The following KLHL14 variants were observed in gnomAD, a reference collection of about 807,000 sequenced individuals.
KLHL14 encodes the protein kelch like family member 14, also known as kelch-like protein 14.
KLHL14 carries 22 observed loss-of-function variants against 64.3 expected under a neutral mutation model. That is an observed-to-expected ratio of 0.34 (90% CI 0.24 to 0.49). KLHL14 has a LOEUF of 0.49. KLHL14 is among the 20% of genes least tolerant of loss of function. KLHL14 has a pLI of 0.99. For synonymous variants in KLHL14, 322 were observed against 333.4 expected, an observed-to-expected ratio of 0.97 and a Z score of 0.37; for missense variants, 661 against 789.0, an observed-to-expected ratio of 0.84 and a Z score of 1.94.
rs192357576 is a variant in KLHL14, at chr18:32,741,583, C to T, written c.1069+345G>A. On this transcript the variant is annotated intron_variant, in intron 3 of 8. Transcript: ENST00000359358. ...TGATGTGAGAAAATTTACTAGCGAACGCCATAAACCAACCTTTTGCTTTTC... is the reference window on the plus strand; with the variant it reads ...TGATGTGAGAAAATTTACTAGCGAATGCCATAAACCAACCTTTTGCTTTTC... Among the ~76,000 whole-genome samples the T allele has an allele frequency of 3.8e-3, 572 of 152,270 alleles. 4 individuals are homozygous for T. Among genetic ancestry groups the T allele is most frequent in the Admixed American group, 9.8e-3 (150 of 15,292 alleles).
chr18:32,738,785 C>G (rs1277992731), intron 3 of KLHL14: 1 of 152,076 alleles, frequency 6.6e-6, no homozygotes, highest in Non-Finnish European at 1.5e-5. Flanking sequence ...TATATAGACC[C>G]ACTTTTTCAC....
At position 32,692,823 on chromosome 18, in the gene KLHL14, G is replaced by C. The variant is rs536988708; in HGVS notation, c.1159+2640C>G. Among the ~76,000 whole-genome samples the C allele has an allele frequency of 2.4e-4, 36 of 152,298 alleles. 1 individual carries two copies. The South Asian group carries it at 7.5e-3, about 32-fold the overall frequency. Reference sequence around the variant, plus strand: ...AAGTCATTTAACCTCTTCAGGCTTAGTCTTCTCATAGTAAAACTAGAGCTA... The same window carrying C: ...AAGTCATTTAACCTCTTCAGGCTTACTCTTCTCATAGTAAAACTAGAGCTA... On this transcript the variant is annotated intron_variant, in intron 4 of 8. Transcript: ENST00000359358.
chr18:32,715,225 A>G (rs1376370057), intron 3 of KLHL14, among the ~76,000 whole-genome samples: 1 of 152,178 alleles, frequency 6.6e-6, no homozygotes, highest in Non-Finnish European at 1.5e-5. Context: ...AATGAGCTAG[A>G]ATTTAGCTCT....
chr18:32,759,123 G>T (rs775762864), intron 2 of KLHL14, among the ~76,000 whole-genome samples: 1 of 152,156 alleles, frequency 6.6e-6, no homozygotes, highest in Non-Finnish European at 1.5e-5. Flanking sequence ...TCTCAATAAA[G>T]CTGCTCAATG....
At chr18:32,734,141 A>G in intron 3 of KLHL14, 1 of 702,774 alleles carries the variant, frequency 1.4e-6, no homozygotes, top group Non-Finnish European at 2.6e-6. Context: ...TAGTATAATT[A>G]TGATAGTCAC....
chr18:32,748,889 T>C (rs991716142), intron 2 of KLHL14, among the ~76,000 whole-genome samples: 2 of 152,168 alleles, frequency 1.3e-5, no homozygotes, highest in African/African-American at 4.8e-5. Flanking sequence ...ATATAATATA[T>C]GTAAAGCATT....
chr18:32,723,255 G>T (rs1232476389), intron 3 of KLHL14, among the ~76,000 whole-genome samples: 1 of 152,134 alleles, frequency 6.6e-6, no homozygotes, highest in African/African-American at 2.4e-5. Flanking sequence ...AGTTGATTTT[G>T]ATCTCTAATA....
At chr18:32,720,649 T>C (rs565096760) in intron 3 of KLHL14, among the ~76,000 whole-genome samples, 84 of 152,052 alleles carry the variant, frequency 5.5e-4, no homozygotes, top group Middle Eastern at 3.4e-3. Context: ...TGGGATGACA[T>C]GCGGCCAAAC....
intron 2 of KLHL14, among the ~76,000 whole-genome samples, chr18:32,765,308 C>A (rs1380196001): frequency 2.0e-5 from 3 of 152,098 alleles, no homozygotes; most frequent in Non-Finnish European, 4.4e-5. Context: ...AATGAGTGAA[C>A]CTCATGTTCA....
At position 32,680,064 on chromosome 18, in the gene KLHL14, T is replaced by A. The variant is rs1158523322; in HGVS notation, c.1588+105A>T. On this transcript the variant is annotated intron_variant, in intron 7 of 8. Coordinates refer to ENST00000359358, the MANE Select transcript of KLHL14 (RefSeq NM_020805.3). The surrounding 1 kb of genome is among the most constrained non-coding windows in gnomAD (Gnocchi z 4.8). ...GAGTAGATTTTATTAGGTCAACATG[T>A]TTTTTACTTGGTTAACTATGATTAT... 9.4e-6 allele frequency: 11 copies of A among 1,172,932 alleles called. No homozygotes were observed. Among genetic ancestry groups the A allele is most frequent in the Non-Finnish European group, 1.3e-5 (11 of 843,946 alleles). 72.7% of individuals were successfully genotyped at this position (1,172,932 alleles called of 1,614,324 possible). A position where few individuals can be genotyped will look rare whatever the true frequency, so the allele number is the denominator to read the frequency against.
chr18:32,712,856 A>G (rs995828597), intron 3 of KLHL14, among the ~76,000 whole-genome samples: 1 of 152,108 alleles, frequency 6.6e-6, no homozygotes, highest in Non-Finnish European at 1.5e-5. Flanking sequence ...CATATCATGT[A>G]CCTGAAACAT....
chr18:32,738,165 C>T (rs2050176000), intron 3 of KLHL14: 1 of 152,006 alleles, frequency 6.6e-6, no homozygotes, highest in Non-Finnish European at 1.5e-5. Flanking sequence ...CCAATGCTGC[C>T]CTATGGGGAG....
At chr18:32,695,831 C>T (rs368586913) in intron 3 of KLHL14, among the ~76,000 whole-genome samples, 15 of 152,080 alleles carry the variant, frequency 9.9e-5, no homozygotes, top group South Asian at 4.2e-4. Context: ...ATGCTGCTTT[C>T]GATTCCTAGG....
chr18:32,735,525 C>G (rs750388573), intron 3 of KLHL14, among the ~76,000 whole-genome samples: 8 of 152,148 alleles, frequency 5.3e-5, no homozygotes, highest in Non-Finnish European at 8.8e-5. Context: ...TTTGCCTTTA[C>G]TGTTAACTAA....
intron 2 of KLHL14, among the ~76,000 whole-genome samples, chr18:32,754,542 T>C (rs1180331154): frequency 6.6e-6 from 1 of 152,222 alleles, no homozygotes; most frequent in Non-Finnish European, 1.5e-5. Context: ...CAACCTGACA[T>C]TCTGAAGAAA....
intron 3 of KLHL14, among the ~76,000 whole-genome samples, chr18:32,735,381 C>T (rs547029179): frequency 6.6e-6 from 1 of 152,128 alleles, no homozygotes; most frequent in South Asian, 2.1e-4. Context: ...AAGTAAAAGC[C>T]AAAATGAAAA....
intron 4 of KLHL14, among the ~76,000 whole-genome samples, chr18:32,689,354 G>T (rs1377569465): frequency 6.6e-6 from 1 of 152,148 alleles, no homozygotes. Flanking sequence ...CATAGGAAAA[G>T]AATGCTCAGA....
chr18:32,689,434 G>T (rs1339716840), intron 4 of KLHL14, among the ~76,000 whole-genome samples: 1 of 152,190 alleles, frequency 6.6e-6, no homozygotes, highest in African/African-American at 2.4e-5. Flanking sequence ...GAGCAACTGA[G>T]AAGTGACTAT....
intron 2 of KLHL14, among the ~76,000 whole-genome samples, chr18:32,760,545 T>G (rs1178807245): frequency 1.3e-5 from 2 of 152,176 alleles, no homozygotes; most frequent in Non-Finnish European, 2.9e-5. Context: ...AAACCGACTG[T>G]AATTCTTCAG....
Sources: allele counts gnomAD v4.1 joint callset (sites outside exome capture counted in the v4.1 genomes callset), GRCh38; gene constraint gnomAD v4.1.1; non-coding constraint Gnocchi (gnomAD v3.1); transcripts MANE v1.5; gene names NCBI Gene and HGNC (gene_info 2026-07-23, HGNC 2026-07-21).